The following ALK variants were observed in gnomAD, a reference collection of about 807,000 sequenced individuals.
ALK encodes the protein ALK receptor tyrosine kinase, also known as ALK tyrosine kinase receptor.
A neutral mutation model predicts 163.1 loss-of-function variants in ALK; 74 were observed. The ratio of observed to expected loss-of-function variants is 0.45; its 90% confidence interval spans 0.38 to 0.55. The LOEUF (loss-of-function observed/expected upper bound fraction) is 0.55. ALK is among the 20% of genes least tolerant of loss of function. ALK has a pLI of 0.00. For synonymous variants in ALK, 960 were observed against 843.2 expected, an observed-to-expected ratio of 1.14 and a Z score of -2.40; for missense variants, 2,063 against 2,105.3, an observed-to-expected ratio of 0.98 and a Z score of 0.39.
chr2:29,880,136 C>G (rs544642937), intron 1 of ALK, among the ~76,000 whole-genome samples: 2 of 152,320 alleles, frequency 1.3e-5, no homozygotes, highest in South Asian at 4.1e-4. Flanking sequence ...GGAGAGATGT[C>G]TGCCTCATTA....
intron 2 of ALK, among the ~76,000 whole-genome samples, chr2:29,695,337 T>C (rs536256867): frequency 6.6e-6 from 1 of 152,250 alleles, no homozygotes; most frequent in Admixed American, 6.5e-5. Flanking sequence ...TGAGGGTGAG[T>C]GGGCAGAGCC....
In ALK at chr2:29,672,619, T is replaced by G. The variant is rs923402522; in HGVS notation, c.952+22231A>C. On this transcript the variant is annotated intron_variant, in intron 3 of 28. Transcript: ENST00000389048. ...GGTTCCAAGTCTTTGCTATTGTGAA[T>G]AGTGCCACAATAAACATACGTGTGC... Among the ~76,000 whole-genome samples the G allele has an allele frequency of 1.5e-4, 23 of 151,962 alleles. 1 individual carries two copies. The highest frequency in any genetic ancestry group is 5.8e-4 in the East Asian group (3 of 5,174).
intron 3 of ALK, among the ~76,000 whole-genome samples, chr2:29,674,414 C>A (rs1338322680): frequency 3.3e-5 from 5 of 151,392 alleles, no homozygotes; most frequent in Non-Finnish European, 7.4e-5. Context: ...AAGGCCTTTT[C>A]TGCATCTATT....
At chr2:29,739,100 A>C (rs904721995) in intron 1 of ALK, among the ~76,000 whole-genome samples, 1 of 151,696 alleles carries the variant, frequency 6.6e-6, no homozygotes, top group Non-Finnish European at 1.5e-5. Context: ...ATAGCCAGGC[A>C]TAGTGGCACC....
intron 23 of ALK, among the ~76,000 whole-genome samples, chr2:29,215,753 C>T (rs1472095233): frequency 1.3e-5 from 2 of 152,198 alleles, no homozygotes; most frequent in African/African-American, 2.4e-5. Context: ...GAATACAGCA[C>T]CCACAAACGG....
intron 2 of ALK, among the ~76,000 whole-genome samples, chr2:29,714,895 G>T (rs1027980792): frequency 1.3e-5 from 2 of 152,218 alleles, no homozygotes; most frequent in African/African-American, 4.8e-5. Context: ...AAGGGGACCA[G>T]ACTCTTGGCC....
rs1490348940 is a variant in ALK at position 29,228,922 on chromosome 2, C to T, written c.2777G>A (p.Gly926Glu). 1 of 1,501,366 alleles carries T rather than the reference C, an allele frequency of 6.7e-7. No individual in the cohort carries two copies. Among genetic ancestry groups the T allele is most frequent in the Non-Finnish European group, 9.3e-7 (1 of 1,079,402 alleles). The allele number at this position is 1,501,366 out of a possible 1,614,324, so 93.0% of individuals were successfully genotyped here. A position where few individuals can be genotyped will look rare whatever the true frequency, so the allele number is the denominator to read the frequency against. ...GCCTCCTCCACCTGAGGAGCACCCC[C>T]CTCCACCCCCTCCGAAACCCCCTCT... ...ETRGGFGGGG[G>E]GCSSGGGGGG... is the part of the protein sequence containing the mutation. The change falls in exon 16 of 29, where the codon GGG becomes GAG. Residue 926 changes from glycine (G) to glutamate (E), a missense_variant. Gly to Glu is a moderately conservative substitution (Grantham distance 98, BLOSUM62 -2). Transcript: ENST00000389048.
chr2:29,763,548 T>C (rs1055870948), intron 1 of ALK, among the ~76,000 whole-genome samples: 1 of 152,024 alleles, frequency 6.6e-6, no homozygotes, highest in Admixed American at 6.5e-5. Flanking sequence ...TGCTTCCCCA[T>C]TAAACCAGGC....
chr2:29,197,946 T>C (rs1669065796), intron 26 of ALK, among the ~76,000 whole-genome samples: 1 of 152,228 alleles, frequency 6.6e-6, no homozygotes, highest in Non-Finnish European at 1.5e-5. Flanking sequence ...CAATATGCAA[T>C]TTTGAACCTT....
At chr2:29,306,182 G>A (rs1271154130) in intron 8 of ALK, among the ~76,000 whole-genome samples, 1 of 152,208 alleles carries the variant, frequency 6.6e-6, no homozygotes, top group Non-Finnish European at 1.5e-5. Flanking sequence ...CTAGGCGCTT[G>A]CACGTAGGCT....
chr2:29,691,013 C>G (rs1678378931), intron 3 of ALK, among the ~76,000 whole-genome samples: 1 of 152,212 alleles, frequency 6.6e-6, no homozygotes, highest in Non-Finnish European at 1.5e-5. Context: ...TAGGACACTG[C>G]TTGGCCATTG....
chr2:29,520,404 G>C (rs1016659671), intron 4 of ALK, among the ~76,000 whole-genome samples: 1 of 152,244 alleles, frequency 6.6e-6, no homozygotes, highest in Non-Finnish European at 1.5e-5. Flanking sequence ...TATTGACTGT[G>C]AGACAAGTAC....
chr2:29,648,173 C>A (rs1676938077), intron 3 of ALK, among the ~76,000 whole-genome samples: 1 of 152,110 alleles, frequency 6.6e-6, no homozygotes, highest in African/African-American at 2.4e-5. Flanking sequence ...ATGCCTACCC[C>A]AATTTAGTTT....
chr2:29,810,205 T>A (rs1664719024), intron 1 of ALK, among the ~76,000 whole-genome samples: 1 of 152,126 alleles, frequency 6.6e-6, no homozygotes, highest in Admixed American at 6.5e-5. Flanking sequence ...GTGAATCACC[T>A]GAGGTCAGGA....
intron 1 of ALK, among the ~76,000 whole-genome samples, chr2:29,900,778 C>A (rs1032013893): frequency 6.6e-6 from 1 of 152,128 alleles, no homozygotes; most frequent in African/African-American, 2.4e-5. Context: ...AACCCCTCCA[C>A]CTCAAGAGAG....
chr2:29,850,587 G>T (rs577541203), intron 1 of ALK, among the ~76,000 whole-genome samples: 2 of 152,126 alleles, frequency 1.3e-5, no homozygotes, highest in Non-Finnish European at 2.9e-5. Context: ...CTTGCATGAG[G>T]CCTCCCAAAA....
At chr2:29,622,375 A>G (rs56233212) in intron 3 of ALK, among the ~76,000 whole-genome samples, 4 of 152,294 alleles carry the variant, frequency 2.6e-5, no homozygotes, top group Non-Finnish European at 5.9e-5. Flanking sequence ...CACTTCTTAC[A>G]TGGCAGCGGC....
intron 3 of ALK, among the ~76,000 whole-genome samples, chr2:29,623,219 G>C (rs1275286517): frequency 6.6e-6 from 1 of 152,040 alleles, no homozygotes; most frequent in Non-Finnish European, 1.5e-5. Context: ...TCTAGCCTAA[G>C]GAAATAATGT....
chr2:29,572,942 G>A (rs897460722), intron 3 of ALK, among the ~76,000 whole-genome samples: 7 of 152,132 alleles, frequency 4.6e-5, no homozygotes, highest in African/African-American at 1.7e-4. Context: ...TGTCTCTCTG[G>A]AGCACCAGGC....
Sources: allele counts gnomAD v4.1 joint callset (sites outside exome capture counted in the v4.1 genomes callset), GRCh38; gene constraint gnomAD v4.1.1; transcripts MANE v1.5; gene names NCBI Gene and HGNC (gene_info 2026-07-23, HGNC 2026-07-21).